Variants in EXOC4 observed in about 807,000 individuals in gnomAD.
The protein encoded by EXOC4 is exocyst complex component 4, also known as SEC8-like 1.
A neutral mutation model predicts 107.2 loss-of-function variants in EXOC4; 71 were observed. The ratio of observed to expected loss-of-function variants is 0.66; its 90% CI spans 0.55 to 0.81. EXOC4 has a LOEUF of 0.81. EXOC4 is among the 30% of genes least tolerant of loss of function. EXOC4 has a pLI of 0.00. For synonymous variants in EXOC4, 456 were observed against 441.2 expected, an observed-to-expected ratio of 1.03 and a Z score of -0.42; for missense variants, 1,108 against 1,189.6, an observed-to-expected ratio of 0.93 and a Z score of 1.01.
intron 3 of EXOC4, among the ~76,000 whole-genome samples, chr7:133,298,217 C>T (rs1241332912): frequency 6.6e-6 from 1 of 152,172 alleles, no homozygotes; most frequent in African/African-American, 2.4e-5. Flanking sequence ...CCATATTCCT[C>T]TATCATTCCT....
At chr7:133,626,254 A>G (rs1252982812) in intron 9 of EXOC4, among the ~76,000 whole-genome samples, 3 of 152,028 alleles carry the variant, frequency 2.0e-5, no homozygotes, top group African/African-American at 7.2e-5. Flanking sequence ...TTTGATCATG[A>G]GAAGGCTCAT....
chr7:133,497,481 C>T (rs1046690642), intron 9 of EXOC4, among the ~76,000 whole-genome samples: 23 of 147,368 alleles, frequency 1.6e-4, no homozygotes, highest in Non-Finnish European at 3.0e-5. Flanking sequence ...GGCTGGAGTG[C>T]GGTGGCATGA....
chr7:133,832,592 A>G (rs537633907), intron 11 of EXOC4, among the ~76,000 whole-genome samples: 2 of 152,310 alleles, frequency 1.3e-5, no homozygotes, highest in South Asian at 2.1e-4. Flanking sequence ...ACACTCAGCA[A>G]TATGCTTAAG....
At chr7:133,261,620 A>G (rs762420762) in intron 1 of EXOC4, among the ~76,000 whole-genome samples, 1 of 152,146 alleles carries the variant, frequency 6.6e-6, no homozygotes, top group Non-Finnish European at 1.5e-5. Flanking sequence ...GTATTCCACT[A>G]TTCTTGAGCT....
intron 14 of EXOC4, among the ~76,000 whole-genome samples, chr7:133,959,084 C>T (rs1800881221): frequency 6.6e-6 from 1 of 152,132 alleles, no homozygotes; most frequent in Non-Finnish European, 1.5e-5. Context: ...AGCCAGATCA[C>T]CTACAAAGAC....
rs899667939 is a variant in EXOC4 at position 133,743,513 on chromosome 7, G to A, written c.1515-73812G>A. 2.6e-5 allele frequency among the ~76,000 whole-genome samples: 4 copies of A among 152,158 alleles called. No individual in the cohort carries two copies. The East Asian group carries it at 5.8e-4, about 22-fold the overall frequency. Reference sequence around the variant, plus strand: ...GTCATCAGTTTCTGTACTACTGGCAGTAGCCCACTCAAAAGCACTATGACA... The same window carrying A: ...GTCATCAGTTTCTGTACTACTGGCAATAGCCCACTCAAAAGCACTATGACA... On this transcript the variant is annotated intron_variant, in intron 10 of 17. Transcript: ENST00000253861.
intron 10 of EXOC4, among the ~76,000 whole-genome samples, chr7:133,762,132 T>C (rs190836613): frequency 5.3e-5 from 8 of 152,310 alleles, no homozygotes; most frequent in Non-Finnish European, 7.3e-5. Context: ...ACCAGAGATA[T>C]GTATTTTTTT....
chr7:133,334,225 C>CT (rs992727290), intron 5 of EXOC4, among the ~76,000 whole-genome samples: 1 of 152,190 alleles, frequency 6.6e-6, no homozygotes, highest in Non-Finnish European at 1.5e-5. Flanking sequence ...TTTTCCATCT[C>CT]TATCTTTTAT....
At chr7:133,253,304 G>A in intron 1 of EXOC4, 117 bp downstream of exon 1, 2 of 1,437,606 alleles carry the variant, frequency 1.4e-6, no homozygotes, top group South Asian at 1.5e-5. Flanking sequence ...CTTGCCTCCC[G>A]CAGCCCCTCC....
intron 4 of EXOC4, among the ~76,000 whole-genome samples, chr7:133,312,916 C>A (rs1363713516): frequency 1.3e-5 from 2 of 151,558 alleles, no homozygotes; most frequent in Non-Finnish European, 2.9e-5. Flanking sequence ...AAAAATAATT[C>A]TTTTATTTAT....
At chr7:134,073,230 A>AAAAAAAAAC in the EXOC4 span, among the ~76,000 whole-genome samples, 11 of 18,426 alleles carry the variant, frequency 6.0e-4, no homozygotes, top group South Asian at 3.2e-3. Context: ...AAAAAAAAAA[A>AAAAAAAAAC]AACAACAAAG....
At chr7:133,420,338 T>TA (rs1797576331) in intron 7 of EXOC4, among the ~76,000 whole-genome samples, 1 of 151,746 alleles carries the variant, frequency 6.6e-6, no homozygotes, top group Non-Finnish European at 1.5e-5. Flanking sequence ...CCATGGTATA[T>TA]ATGTGCCACA....
downstream of EXOC4, among the ~76,000 whole-genome samples, chr7:134,069,205 G>GCTC (rs1452648490): frequency 2.8e-5 from 2 of 71,604 alleles, no homozygotes; most frequent in African/African-American, 1.3e-4. Context: ...CCCTTTACCA[G>GCTC]TTCTTCTTCT....
chr7:134,067,072 C>T (rs1796188845), downstream of EXOC4, among the ~76,000 whole-genome samples: 1 of 149,994 alleles, frequency 6.7e-6, no homozygotes, highest in East Asian at 2.0e-4. Flanking sequence ...ATCGCTTGAA[C>T]CTGGGAGGTG....
At chr7:134,072,299 A>G in the EXOC4 span, among the ~76,000 whole-genome samples, 2 of 152,352 alleles carry the variant, frequency 1.3e-5, no homozygotes, top group African/African-American at 4.8e-5. Flanking sequence ...AAGAAAGCAT[A>G]CTAATTTATT....
chr7:133,850,747 G>A (rs913148037), intron 11 of EXOC4, among the ~76,000 whole-genome samples: 3 of 151,880 alleles, frequency 2.0e-5, no homozygotes, highest in African/African-American at 7.3e-5. Context: ...CATTCCAAAA[G>A]TCATTCCACT....
At chr7:133,885,332 A>T (rs553108234) in intron 11 of EXOC4, among the ~76,000 whole-genome samples, 1 of 151,662 alleles carries the variant, frequency 6.6e-6, no homozygotes, top group South Asian at 2.1e-4. Flanking sequence ...AAAAAAAGAT[A>T]CAGTGTAGTA....
intron 10 of EXOC4, among the ~76,000 whole-genome samples, chr7:133,702,043 C>G (rs1338789788): frequency 7.6e-6 from 1 of 131,772 alleles, no homozygotes; most frequent in Non-Finnish European, 1.6e-5. Context: ...CTCTGTCACC[C>G]AGGCTGGAGT....
intron 11 of EXOC4, among the ~76,000 whole-genome samples, chr7:133,878,462 T>C (rs1184136374): frequency 6.6e-6 from 1 of 152,224 alleles, no homozygotes; most frequent in Admixed American, 6.5e-5. Flanking sequence ...CTTGATTAGA[T>C]TGAAGTTAAA....
Sources: allele counts gnomAD v4.1 joint callset (sites outside exome capture counted in the v4.1 genomes callset), GRCh38; gene constraint gnomAD v4.1.1; transcripts MANE v1.5; gene names NCBI Gene and HGNC (gene_info 2026-07-23, HGNC 2026-07-21).